Variants in PPP2R2C observed in about 807,000 individuals in gnomAD.
PPP2R2C encodes protein phosphatase 2 regulatory subunit Bgamma.
Under a neutral mutation model 45.3 loss-of-function variants are expected in PPP2R2C, and 10 were observed. That is an observed-to-expected ratio of 0.22 (90% CI 0.14 to 0.37). PPP2R2C has a LOEUF of 0.37. Among genes scored for constraint, PPP2R2C ranks in the 10% least tolerant of loss-of-function variants. The probability of loss-of-function intolerance (pLI) is 1.00; values close to 1 mark genes in which losing one functional copy is unlikely to be tolerated. For missense variants in PPP2R2C, 308 were observed against 619.7 expected (o/e 0.50, Z 5.34); for synonymous variants, 257 against 245.4 (o/e 1.05, Z -0.44).
Position 6,323,125 on chromosome 4 carries a change from C to T in PPP2R2C, c.*177G>A. On this transcript the variant is annotated 3_prime_UTR_variant, in exon 9 of 9. Coordinates refer to ENST00000382599, the MANE Select transcript of PPP2R2C (RefSeq NM_020416.4). The stretch of plus-strand genomic sequence containing the variant: ...CAATTACTGCCAAACACAATTCTGG[C>T]CTAGGAAAGCTGGGGCAGGGAGGGG... 2 of 632,708 alleles carry T rather than the reference C, an allele frequency of 3.2e-6. No homozygotes were observed. The highest frequency in any genetic ancestry group is 5.0e-6 in the Non-Finnish European group (2 of 399,378). The allele number at this position is 632,708 out of a possible 1,614,324, so 39.2% of individuals were successfully genotyped here.
In PPP2R2C at chr4:6,401,836, G is replaced by C. The variant is rs181010088; in HGVS notation, c.71-20742C>G. On this transcript the variant is annotated intron_variant, in intron 1 of 8. Transcript: ENST00000382599. ...AAGGGCAGAATCTGGTGGGAGAGGG[G>C]GGGTATCTGCCATGGAAGCTACCTG... Among the ~76,000 whole-genome samples the C allele has an allele frequency of 4.6e-5, 7 of 152,258 alleles. No individual in the cohort carries two copies. The South Asian group carries it at 1.2e-3, about 27-fold the overall frequency.
At chr4:6,519,661 G>GA (rs1560599560) in intron 2 of PPP2R2C, among the ~76,000 whole-genome samples, 2 of 152,218 alleles carry the variant, frequency 1.3e-5, no homozygotes, top group African/African-American at 2.4e-5. Flanking sequence ...GGCACTTAAT[G>GA]ATATTCATTA....
intron 1 of PPP2R2C, chr4:6,555,814 CG>C (rs1320818995): frequency 6.9e-6 from 1 of 144,356 alleles, no homozygotes; most frequent in African/African-American, 2.5e-5. Context: ...ACCTGCCCCC[CG>C]GGTGCTTGCT....
intron 5 of PPP2R2C, among the ~76,000 whole-genome samples, chr4:6,358,872 T>C (rs1326785744): frequency 1.3e-5 from 2 of 152,102 alleles, no homozygotes; most frequent in Non-Finnish European, 2.9e-5. Flanking sequence ...TGTGGAGAAA[T>C]AGGAACGCTT....
chr4:6,419,088 T>C (rs894467404), intron 1 of PPP2R2C, among the ~76,000 whole-genome samples: 1 of 152,210 alleles, frequency 6.6e-6, no homozygotes, highest in African/African-American at 2.4e-5. Flanking sequence ...AAGAATGTTT[T>C]CTGCATTTTC....
intron 5 of PPP2R2C, chr4:6,351,123 A>G (rs1712512446): frequency 5.7e-6 from 4 of 698,800 alleles, no homozygotes; most frequent in African/African-American, 1.9e-5. Flanking sequence ...TGACCAACAT[A>G]CCAAAACCCC....
intron 1 of PPP2R2C, among the ~76,000 whole-genome samples, chr4:6,423,930 T>G (rs369546641): frequency 2.2e-4 from 33 of 150,246 alleles, no homozygotes; most frequent in East Asian, 5.8e-4. Flanking sequence ...TTAGGGTTAG[T>G]GTTAGTGTTT....
At position 6,364,676 on chromosome 4, in the gene PPP2R2C, A is replaced by G. The variant is rs899208282; in HGVS notation, c.625+7847T>C. On this transcript the variant is annotated intron_variant, in intron 5 of 8. Coordinates refer to ENST00000382599, the MANE Select transcript of PPP2R2C (RefSeq NM_020416.4). This position sits in a 1 kb window ranked among gnomAD's most constrained non-coding sequence, Gnocchi z 5.3. The stretch of plus-strand genomic sequence containing the variant: ...GGGGCTTTTCCTCGCTTTACAGGTG[A>G]GGAGCTGAGGCACAGAGAACCCAAG... Among the ~76,000 whole-genome samples the G allele has an allele frequency of 6.6e-6, 1 of 152,146 alleles. No individual in the cohort carries two copies. The highest frequency in any genetic ancestry group is 1.5e-5 in the Non-Finnish European group (1 of 68,030).
chr4:6,483,153 TGATA>T (rs148099628), intron 2 of PPP2R2C, among the ~76,000 whole-genome samples: 7,574 of 84,690 alleles, frequency 0.089, 462 homozygotes, highest in East Asian at 0.48. Flanking sequence ...ATTGATTGAT[TGATA>T]GATAGACGAT....
chr4:6,396,425 G>A (rs1054633501), intron 1 of PPP2R2C, among the ~76,000 whole-genome samples: 1 of 152,180 alleles, frequency 6.6e-6, no homozygotes, highest in Non-Finnish European at 1.5e-5. Flanking sequence ...CAGGGCTGAC[G>A]GAGATAGGCA....
chr4:6,346,594 C>T (rs1000541949), intron 6 of PPP2R2C, among the ~76,000 whole-genome samples: 1 of 152,220 alleles, frequency 6.6e-6, no homozygotes, highest in African/African-American at 2.4e-5. Context: ...TAGGCGCCTA[C>T]TGAATGCCTG....
At chr4:6,391,285 C>T (rs904212243) in intron 1 of PPP2R2C, among the ~76,000 whole-genome samples, 1 of 152,098 alleles carries the variant, frequency 6.6e-6, no homozygotes, top group Non-Finnish European at 1.5e-5. Context: ...CTGGGCAAGC[C>T]ACCTCCCCTC....
At chr4:6,402,598 A>G (rs1717491068) in intron 1 of PPP2R2C, among the ~76,000 whole-genome samples, 1 of 152,170 alleles carries the variant, frequency 6.6e-6, no homozygotes, top group Non-Finnish European at 1.5e-5. Flanking sequence ...TAGGTGGGAC[A>G]TGGAGCGGCT....
At chr4:6,406,022 T>C (rs1288978494) in intron 1 of PPP2R2C, among the ~76,000 whole-genome samples, 2 of 152,212 alleles carry the variant, frequency 1.3e-5, no homozygotes, top group African/African-American at 4.8e-5. Context: ...GACATAAATA[T>C]ATACCAATGA....
upstream of PPP2R2C, among the ~76,000 whole-genome samples, chr4:6,475,947 G>A (rs1409111327): frequency 6.6e-6 from 1 of 152,082 alleles, no homozygotes; most frequent in African/African-American, 2.4e-5. Context: ...TGCCCCTATA[G>A]GAAGAGACCA....
rs183427928 is a variant in PPP2R2C, at chr4:6,515,944, G to A, written c.49+19327C>T. Among the ~76,000 whole-genome samples, 11 of 152,304 alleles carry A rather than the reference G, an allele frequency of 7.2e-5. No individual in the cohort carries two copies. The East Asian group carries it at 2.1e-3, about 29-fold the overall frequency. On this transcript the variant is annotated intron_variant, in intron 2 of 9. Coordinates refer to the PPP2R2C transcript ENST00000506140. ...GCTGCAGCATCCAATCTCTGCCTCT[G>A]TCCTCACAAGGAGTTCTCCTGTGTG...
intron 1 of PPP2R2C, chr4:6,384,784 A>G (rs1716104401): frequency 1.2e-5 from 12 of 985,402 alleles, no homozygotes; most frequent in South Asian, 4.7e-5. Flanking sequence ...GGGAGACACT[A>G]CTGTGATTTC....
chr4:6,366,287 C>T (rs1464617579), intron 5 of PPP2R2C, among the ~76,000 whole-genome samples: 10 of 152,204 alleles, frequency 6.6e-5, no homozygotes, highest in African/African-American at 1.7e-4. Flanking sequence ...AGCCCAGGCC[C>T]GCCAGGGCCC....
chr4:6,450,813 G>A (rs1720698757), intron 1 of PPP2R2C, among the ~76,000 whole-genome samples: 1 of 152,152 alleles, frequency 6.6e-6, no homozygotes, highest in Non-Finnish European at 1.5e-5. Context: ...GGGGTCTGGA[G>A]ACAGGTGGAG....
Sources: allele counts gnomAD v4.1 joint callset (sites outside exome capture counted in the v4.1 genomes callset), GRCh38; gene constraint gnomAD v4.1.1; non-coding constraint Gnocchi (gnomAD v3.1); transcripts MANE v1.5; gene names NCBI Gene and HGNC (gene_info 2026-07-23, HGNC 2026-07-21).